The following TMEM132E variants were observed in gnomAD, a reference collection of about 807,000 sequenced individuals.
TMEM132E encodes the protein transmembrane protein 132E.
A neutral mutation model predicts 78.5 loss-of-function variants in TMEM132E; 49 were observed. The observed-to-expected ratio is 0.62, with a 90% CI of 0.50 to 0.79. TMEM132E has a LOEUF of 0.79. TMEM132E is among the 30% of genes least tolerant of loss of function. The probability of loss-of-function intolerance (pLI) is 0.00; values close to 1 mark genes in which losing one functional copy is unlikely to be tolerated. For missense variants in TMEM132E, 1,403 were observed against 1,470.9 expected (o/e 0.95, Z 0.75); for synonymous variants, 715 against 670.6 (o/e 1.07, Z -1.02).
At chr17:34,632,450 C>T (rs1907377181) in intron 5 of TMEM132E, among the ~76,000 whole-genome samples, 1 of 152,260 alleles carries the variant, frequency 6.6e-6, no homozygotes, top group Non-Finnish European at 1.5e-5. Flanking sequence ...CCTGTAAAAG[C>T]ATTTGCATGT....
intron 1 of TMEM132E, among the ~76,000 whole-genome samples, chr17:34,588,708 A>T (rs148430522): frequency 7.9e-4 from 121 of 152,246 alleles, no homozygotes; most frequent in African/African-American, 2.9e-3. Flanking sequence ...TAAGTGAATT[A>T]TATATGTTCA....
intron 5 of TMEM132E, 89 bp downstream of exon 5, chr17:34,630,240 C>G: frequency 1.4e-6 from 2 of 1,414,170 alleles, no homozygotes; most frequent in East Asian, 2.4e-5. Flanking sequence ...GTGGCTGACT[C>G]TTACTCATCC....
rs1907623311 is a variant in TMEM132E at position 34,638,375 on chromosome 17, AGCGGGCC to A, written c.*146_*152del. On this transcript the variant is annotated 3_prime_UTR_variant, in exon 9 of 9. Coordinates refer to ENST00000631683, the MANE Select transcript of TMEM132E (RefSeq NM_001304438.2). ...GCCCCTGCAGCTTGGCTCCGTGCGG[AGCGGGCC>A]GCCTCAGTGTCTGGGCCTTCCCTCG... 1 of 934,082 alleles carries A rather than the reference AGCGGGCC, an allele frequency of 1.1e-6. No homozygotes were observed. The highest frequency in any genetic ancestry group is 1.7e-5 in the African/African-American group (1 of 59,340). 57.9% of individuals were successfully genotyped at this position (934,082 alleles called of 1,614,324 possible).
intron 1 of TMEM132E, among the ~76,000 whole-genome samples, chr17:34,608,082 T>C (rs939668293): frequency 6.6e-6 from 1 of 152,180 alleles, no homozygotes; most frequent in Non-Finnish European, 1.5e-5. Context: ...AACCTTCTAA[T>C]CACAAGCTGG....
chr17:34,590,619 A>G (rs1197319721), intron 1 of TMEM132E, among the ~76,000 whole-genome samples: 2 of 152,106 alleles, frequency 1.3e-5, no homozygotes, highest in Non-Finnish European at 2.9e-5. Context: ...CACAGGGCAA[A>G]AATGGTCACT....
chr17:34,615,692 C>T (rs762278279), intron 1 of TMEM132E, among the ~76,000 whole-genome samples: 1 of 151,948 alleles, frequency 6.6e-6, no homozygotes, highest in Non-Finnish European at 1.5e-5. Flanking sequence ...GGTCTCCACC[C>T]TTAGCGGCAG....
At position 34,629,159 on chromosome 17, in the gene TMEM132E, G is replaced by A. The variant is rs751894561; in HGVS notation, c.1293G>A (p.Leu431=). The change falls in exon 4 of 9, where the codon CTG becomes CTA. Residue 431 remains leucine (L), a synonymous_variant. Coordinates refer to ENST00000631683, the MANE Select transcript of TMEM132E (RefSeq NM_001304438.2). ...ACCTGGAGCGGGCAGTCACTGAGCT[G>A]ACGGTCATTCAGCGGGATGTGCAAG... is the stretch of plus-strand genomic sequence containing the variant. The part of the protein sequence containing the change: ...LPDLERAVTE[L]TVIQRDVQAI... 7 of 1,614,148 alleles carry A rather than the reference G, an allele frequency of 4.3e-6. No homozygotes were observed. The South Asian group carries it at 6.6e-5, about 15-fold the overall frequency.
rs1567720497 is a variant in TMEM132E at position 34,628,996 on chromosome 17, T to A, written c.1146-16T>A. The A allele has an allele frequency of 1.3e-6, 2 of 1,537,706 alleles. No individual in the cohort carries two copies. The highest frequency in any genetic ancestry group is 8.8e-7 in the Non-Finnish European group (1 of 1,139,714). ...CCCTTCATCCTCTGCTCTCCTTCCC[T>A]CCCCTACCCTGGCAGGGAGGGCCAG... On this transcript the variant is annotated splice_polypyrimidine_tract_variant and intron_variant, in intron 3 of 8. Transcript: ENST00000631683.
Position 34,626,860 on chromosome 17 carries a change from C to T in TMEM132E, c.801C>T (p.Pro267=), listed in dbSNP as rs758620753. The T allele has an allele frequency of 3.7e-6, 6 of 1,605,398 alleles. No individual in the cohort carries two copies. In the African/African-American group the frequency reaches 5.3e-5, roughly 14 times the overall value. Residue 267 remains proline, a synonymous_variant, in exon 2 of 9, where the codon CCC becomes CCT. Coordinates refer to ENST00000631683, the MANE Select transcript of TMEM132E (RefSeq NM_001304438.2). ...GAGCGGAAAGCCCTACCCAGCACCC[C>T]CTGCTGCGCATCGGGAGCATCAGCC... is the stretch of plus-strand genomic sequence containing the variant. ...GARAESPTQH[P]LLRIGSISLF...
chr17:34,613,211 A>ACACACAAACACGCGCGCG, intron 1 of TMEM132E, among the ~76,000 whole-genome samples: 1 of 115,856 alleles, frequency 8.6e-6, no homozygotes, highest in Admixed American at 9.9e-5. Context: ...ACACACACAC[A>ACACACAAACACGCGCGCG]CGCGCGCGCG....
chr17:34,629,224 G>A lies in TMEM132E; in HGVS notation c.1338+20G>A. 1 of 1,612,008 alleles carries A rather than the reference G, an allele frequency of 6.2e-7. No individual in the cohort carries two copies. Among genetic ancestry groups the A allele is most frequent in the South Asian group, 1.1e-5 (1 of 90,804 alleles). On this transcript the variant is annotated intron_variant, in intron 4 of 8. Coordinates refer to ENST00000631683, the MANE Select transcript of TMEM132E (RefSeq NM_001304438.2). Reference sequence around the variant, plus strand: ...GCCATGGTGAGCAGGCAGGTGACCAGCCCAGAAGATGCCTGGGTCTATGCA... The same window carrying A: ...GCCATGGTGAGCAGGCAGGTGACCAACCCAGAAGATGCCTGGGTCTATGCA...
chr17:34,581,127 A>T lies in TMEM132E; in HGVS notation c.51A>T (p.Ser17=), dbSNP rs769358704. ...GCGGCGCCGCCCTGCTCTGCCTCTC[A>T]GCGCTACTCGCCCACGGTAAGTGTC... ...GRGGAALLCL[S]ALLAHASGRS... Residue 17 remains serine, a synonymous_variant, in exon 1 of 9, where the codon TCA becomes TCT. Coordinates refer to ENST00000631683, the MANE Select transcript of TMEM132E (RefSeq NM_001304438.2). 509 of 1,525,210 alleles carry T rather than the reference A, an allele frequency of 3.3e-4. No individual in the cohort carries two copies. The highest frequency in any genetic ancestry group is 4.2e-4 in the Non-Finnish European group (482 of 1,141,746). The allele number at this position is 1,525,210 out of a possible 1,614,324, so 94.5% of individuals were successfully genotyped here.
intron 6 of TMEM132E, among the ~76,000 whole-genome samples, 164 bp downstream of exon 6, chr17:34,633,073 A>G (rs1370488715): frequency 6.6e-6 from 1 of 152,218 alleles, no homozygotes; most frequent in Non-Finnish European, 1.5e-5. Flanking sequence ...TGTGCTAGGC[A>G]CTGGCAAGTG....
intron 1 of TMEM132E, among the ~76,000 whole-genome samples, chr17:34,612,999 C>G (rs1219601401): frequency 6.6e-6 from 1 of 152,018 alleles, no homozygotes; most frequent in African/African-American, 2.4e-5. Context: ...CACCCTGCAC[C>G]TCTAAGGCTG....
intron 1 of TMEM132E, among the ~76,000 whole-genome samples, chr17:34,599,778 T>C (rs1267897807): frequency 2.0e-5 from 3 of 152,228 alleles, no homozygotes; most frequent in Admixed American, 1.3e-4. Flanking sequence ...AAATCAAGCC[T>C]GAGCCTCACT....
rs767673688 is a variant in TMEM132E at position 34,627,062 on chromosome 17, T to C, written c.998+5T>C. Reference sequence around the variant, plus strand: ...CGTGGAGCACTTCACACTCAGGTAGTAGGGAAGATGGGTGGGGATCTGGTT... The same window carrying C: ...CGTGGAGCACTTCACACTCAGGTAGCAGGGAAGATGGGTGGGGATCTGGTT... On this transcript the variant is annotated splice_donor_5th_base_variant and intron_variant, in intron 2 of 8. Transcript: ENST00000631683. 7 of 1,612,416 alleles carry C rather than the reference T, an allele frequency of 4.3e-6. No homozygotes were observed. The highest frequency in any genetic ancestry group is 1.1e-5 in the South Asian group (1 of 91,018).
In TMEM132E at chr17:34,637,773, G is replaced by A. The variant is rs1055075415; in HGVS notation, c.2766G>A (p.Pro922=). The stretch of plus-strand genomic sequence containing the variant: ...TGCGCTACCGGCACAAGCGCATCCC[G>A]CCCGAGGGCCAGACCAGCATGGACC... The part of the protein sequence containing the change: ...FVLRYRHKRI[P]PEGQTSMDHS... The change falls in exon 9 of 9, where the codon CCG becomes CCA. Residue 922 remains proline (P), a synonymous_variant. Transcript: ENST00000631683. The A allele has an allele frequency of 1.2e-6, 2 of 1,613,464 alleles. No individual in the cohort carries two copies. Among genetic ancestry groups the A allele is most frequent in the East Asian group, 2.2e-5 (1 of 44,860 alleles).
At chr17:34,612,738 C>A (rs1906632087) in intron 1 of TMEM132E, among the ~76,000 whole-genome samples, 1 of 152,220 alleles carries the variant, frequency 6.6e-6, no homozygotes, top group African/African-American at 2.4e-5. Flanking sequence ...TGGTCCCCAA[C>A]TTCCAGGCTC....
In TMEM132E at chr17:34,638,040, G is replaced by A. The variant is rs754729387; in HGVS notation, c.3033G>A (p.Lys1011=). Residue 1011 remains lysine, a synonymous_variant, in exon 9 of 9, where the codon AAG becomes AAA. Coordinates refer to ENST00000631683, the MANE Select transcript of TMEM132E (RefSeq NM_001304438.2). ...DPASSPTSKR[K]RVKFTTFTTL... The stretch of plus-strand genomic sequence containing the variant: ...CCAGCTCGCCCACCTCCAAGCGCAA[G>A]CGGGTCAAGTTCACCACCTTCACCA... The A allele has an allele frequency of 6.3e-7, 1 of 1,577,364 alleles. No individual in the cohort carries two copies. The highest frequency in any genetic ancestry group is 1.8e-5 in the Admixed American group (1 of 54,202).
Sources: gnomAD v4.1 joint callset for allele counts (sites outside exome capture counted in the v4.1 genomes callset) on GRCh38, gnomAD v4.1.1 for gene constraint, MANE v1.5 for transcripts, NCBI Gene and HGNC (gene_info 2026-07-23, HGNC 2026-07-21) for gene names.